SLC25A30: variants seen among roughly 807,000 people sequenced by gnomAD.
The protein encoded by SLC25A30 is kidney mitochondrial carrier protein 1.
In SLC25A30, 29 loss-of-function variants were observed where a neutral mutation model predicts 42.7. The ratio of observed to expected loss-of-function variants is 0.68; its 90% CI spans 0.51 to 0.93. The LOEUF (loss-of-function observed/expected upper bound fraction) is 0.93, where lower values mean the gene tolerates loss of function less well. Ranked by LOEUF, SLC25A30 falls within the 40% of genes least tolerant of loss-of-function variation. SLC25A30 has a pLI of 0.00. For missense variants in SLC25A30, 300 were observed against 359.7 expected, an observed-to-expected ratio of 0.83 and a Z score of 1.34; for synonymous variants, 124 against 131.0, an observed-to-expected ratio of 0.95 and a Z score of 0.37.
upstream of SLC25A30, chr13:45,418,580 G>A (rs1883748501): frequency 6.6e-6 from 1 of 151,578 alleles, no homozygotes; most frequent in Admixed American, 6.6e-5. Context: ...CGCTGCCTGA[G>A]GGAGCTGCCC....
chr13:45,432,650 T>G, the SLC25A30 span, among the ~76,000 whole-genome samples: 1 of 151,588 alleles, frequency 6.6e-6, no homozygotes, highest in Admixed American at 6.6e-5. Context: ...AATATGATAT[T>G]AAAAGCAACC....
chr13:45,399,347 A>C (rs1354186098), intron 7 of SLC25A30, among the ~76,000 whole-genome samples: 1 of 152,136 alleles, frequency 6.6e-6, no homozygotes, highest in African/African-American at 2.4e-5. Flanking sequence ...CTGGGATTTC[A>C]GGTGTACTCT....
the SLC25A30 span, among the ~76,000 whole-genome samples, chr13:45,429,365 G>A: frequency 6.6e-6 from 1 of 151,972 alleles, no homozygotes; most frequent in African/African-American, 2.4e-5. Flanking sequence ...CACCACACCC[G>A]ACAGGTGCAA....
chr13:45,427,655 C>T, the SLC25A30 span, among the ~76,000 whole-genome samples: 2 of 152,150 alleles, frequency 1.3e-5, no homozygotes, highest in South Asian at 4.2e-4. Flanking sequence ...CCTGGCATTT[C>T]TCCTATTAAT....
chr13:45,430,720 T>A, the SLC25A30 span, among the ~76,000 whole-genome samples: 1 of 152,240 alleles, frequency 6.6e-6, no homozygotes. Context: ...GGTGGGAGCA[T>A]CACTTGAGCC....
chr13:45,404,672 A>T (rs1882329847), intron 4 of SLC25A30, among the ~76,000 whole-genome samples: 1 of 152,110 alleles, frequency 6.6e-6, no homozygotes, highest in Non-Finnish European at 1.5e-5. Context: ...TACAAAAATT[A>T]GCTGGACATG....
At chr13:45,404,279 A>G (rs745996676) in intron 5 of SLC25A30, 48 bp downstream of exon 5, 5 of 1,288,516 alleles carry the variant, frequency 3.9e-6, no homozygotes, top group Non-Finnish European at 5.7e-6. Flanking sequence ...GTTGTTCTCA[A>G]TAAGAAAATG....
In SLC25A30 at chr13:45,399,093, T is replaced by C. The variant is rs766755699; in HGVS notation, c.615-15A>G. ...TGAAGCTTGAGCTATAAAGACACCATTGGAAAAAAAAAAAAAAGTTAACCA... is the reference window on the plus strand; with the variant it reads ...TGAAGCTTGAGCTATAAAGACACCACTGGAAAAAAAAAAAAAAGTTAACCA... On this transcript the variant is annotated splice_polypyrimidine_tract_variant and intron_variant, in intron 7 of 9. Transcript: ENST00000519676. 2.2e-5 allele frequency: 34 copies of C among 1,552,030 alleles called. No individual in the cohort carries two copies. Among genetic ancestry groups the C allele is most frequent in the Admixed American group, 4.3e-5 (2 of 46,174 alleles).
chr13:45,423,769 A>T, the SLC25A30 span, among the ~76,000 whole-genome samples: 7 of 56,486 alleles, frequency 1.2e-4, no homozygotes, highest in African/African-American at 3.2e-4. Flanking sequence ...AATATATAAA[A>T]ATATATAAAT....
At chr13:45,408,705 CTG>C (rs1882734037) in intron 3 of SLC25A30, among the ~76,000 whole-genome samples, 1 of 152,198 alleles carries the variant, frequency 6.6e-6, no homozygotes, top group African/African-American at 2.4e-5. Flanking sequence ...TGTTGTCTGT[CTG>C]TACTTGAATA....
At chr13:45,425,617 A>C in the SLC25A30 span, among the ~76,000 whole-genome samples, 7 of 48,472 alleles carry the variant, frequency 1.4e-4, no homozygotes, top group African/African-American at 2.6e-4. Flanking sequence ...TACATATATA[A>C]ATATATATAT....
chr13:45,408,710 C>T (rs1882734670), intron 3 of SLC25A30, among the ~76,000 whole-genome samples: 2 of 152,154 alleles, frequency 1.3e-5, no homozygotes, highest in Non-Finnish European at 1.5e-5. Flanking sequence ...TCTGTCTGTA[C>T]TTGAATATAG....
the SLC25A30 span, among the ~76,000 whole-genome samples, chr13:45,428,255 C>G: frequency 6.6e-6 from 1 of 151,262 alleles, no homozygotes. Context: ...CTCTGTCGCC[C>G]AGGAGTGCAG....
chr13:45,425,568 A>G, the SLC25A30 span, among the ~76,000 whole-genome samples: 2,589 of 104,284 alleles, frequency 0.025, 245 homozygotes, highest in Middle Eastern at 0.069. Flanking sequence ...ATATAAATAT[A>G]TATAAGTATA....
chr13:45,404,464 G>T, intron 4 of SLC25A30, 52 bp from the exon 5 acceptor site: 2 of 1,307,868 alleles, frequency 1.5e-6, no homozygotes, highest in South Asian at 1.2e-5. Context: ...TTCTTCCCGT[G>T]AGAAACTCAA....
At chr13:45,424,090 TCTATAA>T in the SLC25A30 span, among the ~76,000 whole-genome samples, 1 of 94,374 alleles carries the variant, frequency 1.1e-5, no homozygotes, top group African/African-American at 4.4e-5. Context: ...TATATATAAA[TCTATAA>T]ATATATAAAA....
intron 1 of SLC25A30, among the ~76,000 whole-genome samples, chr13:45,414,377 G>A (rs1883302542): frequency 6.6e-6 from 1 of 152,080 alleles, no homozygotes; most frequent in Admixed American, 6.6e-5. Flanking sequence ...CAGCACTTTG[G>A]GAGGCCGAGG....
chr13:45,423,250 T>A (rs1240001006), upstream of SLC25A30, among the ~76,000 whole-genome samples: 1 of 151,916 alleles, frequency 6.6e-6, no homozygotes, highest in African/African-American at 2.4e-5. Flanking sequence ...TTACCACAGT[T>A]GTAAGTCCTG....
At position 45,394,656 on chromosome 13, in the gene SLC25A30, C is replaced by G; in HGVS notation, c.*1318G>C. The G allele has an allele frequency of 2.0e-6, 2 of 985,000 alleles. No homozygotes were observed. The highest frequency in any genetic ancestry group is 2.4e-6 in the Non-Finnish European group (2 of 829,844). The allele number at this position is 985,000 out of a possible 1,614,324, so 61.0% of individuals were successfully genotyped here. ...AAGACAAGAAGGAAGAGGGCTCTTT[C>G]TCTGAAGCAGGTTAGAGTAAAGAAT... On this transcript the variant is annotated 3_prime_UTR_variant, in exon 10 of 10. Coordinates refer to ENST00000519676, the MANE Select transcript of SLC25A30 (RefSeq NM_001010875.4).
Sources: allele counts gnomAD v4.1 joint callset (sites outside exome capture counted in the v4.1 genomes callset), GRCh38; gene constraint gnomAD v4.1.1; transcripts MANE v1.5; gene names NCBI Gene and HGNC (gene_info 2026-07-23, HGNC 2026-07-21).